Variants in KCTD16 observed in about 807,000 individuals in gnomAD.
The protein encoded by KCTD16 is BTB/POZ domain-containing protein KCTD16.
A neutral mutation model predicts 33.2 loss-of-function variants in KCTD16; 13 were observed. The ratio of observed to expected loss-of-function variants is 0.39; its 90% CI spans 0.25 to 0.62. KCTD16 has a LOEUF of 0.62. Among genes scored for constraint, KCTD16 ranks in the 20% least tolerant of loss-of-function variants. The pLI, the probability that KCTD16 is intolerant of heterozygous loss-of-function variation, is 0.50. For missense variants in KCTD16, 441 were observed against 525.1 expected, an observed-to-expected ratio of 0.84 and a Z score of 1.57; for synonymous variants, 197 against 195.3, an observed-to-expected ratio of 1.01 and a Z score of -0.07.
intron 3 of KCTD16, among the ~76,000 whole-genome samples, chr5:144,470,015 C>T (rs752711345): frequency 2.6e-5 from 4 of 151,578 alleles, no homozygotes; most frequent in Non-Finnish European, 5.9e-5. Flanking sequence ...GTTTTCTTCC[C>T]ACATCTGGCT....
chr5:144,442,942 C>T (rs532241915), intron 3 of KCTD16, among the ~76,000 whole-genome samples: 1 of 152,164 alleles, frequency 6.6e-6, no homozygotes, highest in East Asian at 1.9e-4. Context: ...CCTCTACCAT[C>T]TGGGAAAGCT....
At chr5:144,185,553 G>T (rs1248556617) in intron 2 of KCTD16, among the ~76,000 whole-genome samples, 1 of 152,124 alleles carries the variant, frequency 6.6e-6, no homozygotes, top group Non-Finnish European at 1.5e-5. Context: ...ATAAAATGCT[G>T]TGACCAGTCT....
At chr5:144,361,906 TTGTGTGTGTGTG>T (rs3996310) in intron 3 of KCTD16, among the ~76,000 whole-genome samples, 17 of 143,992 alleles carry the variant, frequency 1.2e-4, no homozygotes, top group East Asian at 4.1e-4. Context: ...TGGTGTTATT[TTGTGTGTGTGTG>T]TGTGTGTGTG....
chr5:144,300,525 A>T (rs1170565737), intron 3 of KCTD16, among the ~76,000 whole-genome samples: 1 of 152,216 alleles, frequency 6.6e-6, no homozygotes, highest in Non-Finnish European at 1.5e-5. Context: ...AATAGAATTT[A>T]TTACATATAT....
intron 3 of KCTD16, among the ~76,000 whole-genome samples, chr5:144,400,436 C>T (rs1752676783): frequency 6.6e-6 from 1 of 152,118 alleles, no homozygotes. Context: ...GCTGCAGGGA[C>T]CCTCACACCA....
chr5:144,313,862 A>G (rs767603992), intron 3 of KCTD16, among the ~76,000 whole-genome samples: 2 of 152,206 alleles, frequency 1.3e-5, no homozygotes, highest in Non-Finnish European at 2.9e-5. Context: ...GTACTTATTA[A>G]GCCTGCAGCA....
rs573256799 is a variant in KCTD16, at chr5:144,221,259, A to G, written c.832+13713A>G. Among the ~76,000 whole-genome samples, 7 of 152,168 alleles carry G rather than the reference A, an allele frequency of 4.6e-5. No individual in the cohort carries two copies. In the East Asian group the frequency reaches 1.2e-3, roughly 25 times the overall value. On this transcript the variant is annotated intron_variant, in intron 3 of 3. Coordinates refer to ENST00000512467, the MANE Select transcript of KCTD16 (RefSeq NM_020768.4). ...TGCGTAATGAAGAAGAGAGACATTA[A>G]ATCTGCTTTAGTATTATTATTATTA...
chr5:144,330,065 T>C (rs1036478758), intron 3 of KCTD16, among the ~76,000 whole-genome samples: 1 of 152,126 alleles, frequency 6.6e-6, no homozygotes, highest in East Asian at 1.9e-4. Flanking sequence ...TTGTAAGATA[T>C]TCAGCTTATT....
At chr5:144,404,119 A>G (rs1580935803) in intron 3 of KCTD16, among the ~76,000 whole-genome samples, 1 of 152,286 alleles carries the variant, frequency 6.6e-6, no homozygotes, top group African/African-American at 2.4e-5. Flanking sequence ...AGAATGTCTC[A>G]TGCTCTACTC....
rs116555743 is a variant in KCTD16, at chr5:144,242,855, A to G, written c.832+35309A>G. On this transcript the variant is annotated intron_variant, in intron 3 of 3. Transcript: ENST00000512467. Reference sequence around the variant, plus strand: ...AGAGGCATTAATCTATTCATGAGGGATCTAACCCCATGACCTAAGACCTCC... The same window carrying G: ...AGAGGCATTAATCTATTCATGAGGGGTCTAACCCCATGACCTAAGACCTCC... 9.7e-3 allele frequency among the ~76,000 whole-genome samples: 1,479 copies of G among 152,258 alleles called. 22 individuals are homozygous for G. The highest frequency in any genetic ancestry group is 0.033 in the African/African-American group (1,391 of 41,540).
intron 3 of KCTD16, among the ~76,000 whole-genome samples, chr5:144,251,665 C>T (rs1048961752): frequency 3.3e-5 from 5 of 152,140 alleles, no homozygotes; most frequent in African/African-American, 1.2e-4. Context: ...TGACCATTTA[C>T]GCAGTCACCT....
At chr5:144,346,532 A>G (rs181570759) in intron 3 of KCTD16, among the ~76,000 whole-genome samples, 4 of 152,184 alleles carry the variant, frequency 2.6e-5, no homozygotes, top group African/African-American at 4.8e-5. Flanking sequence ...GTTATTGCCT[A>G]TCTTTTGAAT....
chr5:144,357,959 T>C (rs1374893250), intron 3 of KCTD16, among the ~76,000 whole-genome samples: 2 of 152,160 alleles, frequency 1.3e-5, no homozygotes, highest in Non-Finnish European at 2.9e-5. Context: ...GGTCTTGCTC[T>C]GCCACACAGG....
At chr5:144,463,616 G>A (rs187703036) in intron 3 of KCTD16, among the ~76,000 whole-genome samples, 8 of 152,274 alleles carry the variant, frequency 5.3e-5, no homozygotes, top group African/African-American at 1.9e-4. Context: ...CTGGGCTTTA[G>A]TGCCTGCTTC....
At chr5:144,340,895 C>T (rs1339117843) in intron 3 of KCTD16, among the ~76,000 whole-genome samples, 1 of 151,880 alleles carries the variant, frequency 6.6e-6, no homozygotes. Context: ...ACTAAACATA[C>T]AAAAATTAGC....
intron 3 of KCTD16, among the ~76,000 whole-genome samples, chr5:144,251,736 A>G (rs1478986769): frequency 1.3e-5 from 2 of 152,320 alleles, no homozygotes; most frequent in East Asian, 1.9e-4. Flanking sequence ...TGCAATTTAT[A>G]TATACAGGCA....
chr5:144,404,087 C>T (rs1752761545), intron 3 of KCTD16, among the ~76,000 whole-genome samples: 2 of 152,124 alleles, frequency 1.3e-5, no homozygotes, highest in East Asian at 3.9e-4. Context: ...CACTCTCACA[C>T]CCAACTTAAA....
intron 2 of KCTD16, among the ~76,000 whole-genome samples, chr5:144,202,963 C>A (rs867673281): frequency 6.6e-6 from 1 of 152,192 alleles, no homozygotes; most frequent in Non-Finnish European, 1.5e-5. Context: ...TCATCAACTA[C>A]ATGGCCCCCG....
intron 2 of KCTD16, among the ~76,000 whole-genome samples, chr5:144,185,359 A>C (rs1752703392): frequency 6.6e-6 from 1 of 152,204 alleles, no homozygotes; most frequent in African/African-American, 2.4e-5. Flanking sequence ...GCATTGTAGG[A>C]AGATACTCAT....
Sources: allele counts gnomAD v4.1 joint callset (sites outside exome capture counted in the v4.1 genomes callset), GRCh38; gene constraint gnomAD v4.1.1; transcripts MANE v1.5; gene names NCBI Gene and HGNC (gene_info 2026-07-23, HGNC 2026-07-21).